The following TTC27 variants were observed in gnomAD, a reference collection of about 807,000 sequenced individuals.
The protein encoded by TTC27 is tetratricopeptide repeat protein 27.
Under a neutral mutation model 115.9 loss-of-function variants are expected in TTC27, and 79 were observed. The observed-to-expected ratio is 0.68, with a 90% CI of 0.57 to 0.82. The LOEUF (loss-of-function observed/expected upper bound fraction) is 0.82. Among genes scored for constraint, TTC27 ranks in the 40% least tolerant of loss-of-function variants. The pLI, the probability that TTC27 is intolerant of heterozygous loss-of-function variation, is 0.00. For missense variants in TTC27, 1,054 were observed against 993.1 expected (o/e 1.06, Z -0.82); for synonymous variants, 401 against 356.0 (o/e 1.13, Z -1.42).
intron 16 of TTC27, among the ~76,000 whole-genome samples, chr2:32,805,039 AG>A (rs1301046116): frequency 6.6e-6 from 1 of 152,102 alleles, no homozygotes; most frequent in African/African-American, 2.4e-5. Flanking sequence ...CTTAATAGAA[AG>A]GAAGAAAGAG....
rs397754905 is a variant in TTC27, at chr2:32,767,453, G to GTTTTT, written c.1680+8947_1680+8951dup. 8.7e-4 allele frequency among the ~76,000 whole-genome samples: 99 copies of GTTTTT among 114,238 alleles called. 5 individuals are homozygous for GTTTTT. The highest frequency in any genetic ancestry group is 7.5e-3 in the South Asian group (25 of 3,312). 74.9% of individuals were successfully genotyped at this position (114,238 alleles called of 152,430 possible). A position where few individuals can be genotyped will look rare whatever the true frequency, so the allele number is the denominator to read the frequency against. On this transcript the variant is annotated intron_variant, in intron 13 of 19. Transcript: ENST00000317907. ...AGTGAATATTTATAAGTTTTTTTTTGTTTTTTTTTTTTTTTTTGAGACAGA... is the reference window on the plus strand; with the variant it reads ...AGTGAATATTTATAAGTTTTTTTTTGTTTTTTTTTTTTTTTTTTTTTTGAGACAGA...
intron 4 of TTC27, among the ~76,000 whole-genome samples, chr2:32,644,412 TAGG>T (rs1344574903): frequency 2.6e-5 from 4 of 151,898 alleles, no homozygotes; most frequent in Non-Finnish European, 5.9e-5. Flanking sequence ...GTCAACAACT[TAGG>T]AGAATTAATA....
intron 15 of TTC27, among the ~76,000 whole-genome samples, chr2:32,785,028 A>G (rs1670301283): frequency 6.6e-6 from 1 of 152,240 alleles, no homozygotes; most frequent in Admixed American, 6.5e-5. Context: ...CTTAGAGTCA[A>G]TAGATGGTAA....
chr2:32,793,880 T>C (rs892486199), intron 16 of TTC27, among the ~76,000 whole-genome samples: 1 of 152,174 alleles, frequency 6.6e-6, no homozygotes, highest in Non-Finnish European at 1.5e-5. Context: ...AAGAGACTAA[T>C]ACATTAAAAA....
intron 13 of TTC27, among the ~76,000 whole-genome samples, chr2:32,771,912 A>G (rs1669842891): frequency 1.3e-5 from 2 of 152,128 alleles, no homozygotes; most frequent in Non-Finnish European, 2.9e-5. Flanking sequence ...TTAGGATTAG[A>G]TTATTCTACA....
intron 10 of TTC27, among the ~76,000 whole-genome samples, chr2:32,730,079 G>C (rs866442378): frequency 2.0e-5 from 3 of 152,098 alleles, no homozygotes; most frequent in Non-Finnish European, 4.4e-5. Flanking sequence ...ATAGTAGTGA[G>C]GCTTCACGTG....
chr2:32,639,518 A>C (rs572828436), intron 3 of TTC27, among the ~76,000 whole-genome samples: 2 of 152,334 alleles, frequency 1.3e-5, no homozygotes, highest in Admixed American at 6.5e-5. Context: ...GACTTACTTC[A>C]TAATGACATT....
chr2:32,815,306 G>A (rs1055753880), intron 18 of TTC27, among the ~76,000 whole-genome samples: 2 of 131,556 alleles, frequency 1.5e-5, no homozygotes, highest in Non-Finnish European at 3.1e-5. Context: ...GCGCGATCTC[G>A]GCTCACTGCA....
intron 13 of TTC27, among the ~76,000 whole-genome samples, chr2:32,769,755 C>G (rs1000964949): frequency 2.0e-5 from 3 of 152,154 alleles, no homozygotes; most frequent in Non-Finnish European, 4.4e-5. Context: ...CATTAAGCAT[C>G]TATATTCTAA....
In TTC27 at chr2:32,740,869, G is replaced by A. The variant is rs185801657; in HGVS notation, c.1452+4053G>A. Among the ~76,000 whole-genome samples, 417 of 152,208 alleles carry A rather than the reference G, an allele frequency of 2.7e-3. 1 individual carries two copies. In the Middle Eastern group the frequency reaches 0.041, roughly 15 times the overall value. Reference sequence around the variant, plus strand: ...GAGGGTTCACCATATTGGCCAGGCTGGTCTTGAATTCCTGACCTCAGGTGA... The same window carrying A: ...GAGGGTTCACCATATTGGCCAGGCTAGTCTTGAATTCCTGACCTCAGGTGA... On this transcript the variant is annotated intron_variant, in intron 12 of 19. Transcript: ENST00000317907.
At chr2:32,761,038 C>G (rs957669883) in intron 13 of TTC27, among the ~76,000 whole-genome samples, 1 of 152,108 alleles carries the variant, frequency 6.6e-6, no homozygotes, top group Non-Finnish European at 1.5e-5. Context: ...TATTTTCACT[C>G]CTGTTTTCTC....
chr2:32,807,471 A>C (rs1311972119), intron 16 of TTC27, among the ~76,000 whole-genome samples: 1 of 152,112 alleles, frequency 6.6e-6, no homozygotes. Flanking sequence ...ACTTCTTCTT[A>C]TCTTTTTATA....
rs1668701341 is a variant in TTC27 at position 32,743,131 on chromosome 2, A to G, written c.1452+6315A>G. On this transcript the variant is annotated intron_variant, in intron 12 of 19. Transcript: ENST00000317907. ...ATTTTTTACGTGGAGGGCTTCCTATAGTTGTTGGTCTGCCAATTTCCCTTC... is the reference window on the plus strand; with the variant it reads ...ATTTTTTACGTGGAGGGCTTCCTATGGTTGTTGGTCTGCCAATTTCCCTTC... Among the ~76,000 whole-genome samples, 3 of 151,982 alleles carry G rather than the reference A, an allele frequency of 2.0e-5. No homozygotes were observed. In the South Asian group the frequency reaches 6.2e-4, roughly 32 times the overall value.
rs1440544444 is a variant in TTC27 at position 32,664,436 on chromosome 2, G to A, written c.774G>A (p.Lys258=). 1.2e-6 allele frequency: 2 copies of A among 1,606,494 alleles called. No individual in the cohort carries two copies. The highest frequency in any genetic ancestry group is 1.1e-5 in the South Asian group (1 of 88,750). Residue 258 remains lysine (K), a synonymous_variant, in exon 6 of 20, where the codon AAG becomes AAA. Transcript: ENST00000317907. ...CAAAAGATCAGTTGGATATTGCTAAGGACATCAGCCAATTACAAATTGATT... is the reference window on the plus strand; with the variant it reads ...CAAAAGATCAGTTGGATATTGCTAAAGACATCAGCCAATTACAAATTGATT... ...RKAKDQLDIA[K]DISQLQIDLT...
At chr2:32,650,929 G>A (rs1414154071) in intron 5 of TTC27, among the ~76,000 whole-genome samples, 1 of 152,072 alleles carries the variant, frequency 6.6e-6, no homozygotes, top group African/African-American at 2.4e-5. Flanking sequence ...AAAGACTTTG[G>A]AAAAGAGGAG....
chr2:32,692,261 T>C (rs925567162), intron 9 of TTC27, among the ~76,000 whole-genome samples: 1 of 152,066 alleles, frequency 6.6e-6, no homozygotes, highest in Non-Finnish European at 1.5e-5. Flanking sequence ...CAAATACTTA[T>C]AACTTAGTGA....
chr2:32,674,889 C>G (rs1402520345), intron 8 of TTC27, among the ~76,000 whole-genome samples: 2 of 152,002 alleles, frequency 1.3e-5, no homozygotes, highest in African/African-American at 4.8e-5. Context: ...GTCTTGATCT[C>G]CTGACCTCGT....
At chr2:32,630,335 T>G (rs1426682935) in intron 1 of TTC27, among the ~76,000 whole-genome samples, 188 bp from the exon 2 acceptor site, 5 of 152,206 alleles carry the variant, frequency 3.3e-5, no homozygotes, top group African/African-American at 1.2e-4. Flanking sequence ...AGCTGCTAAT[T>G]CTAGGAGAGA....
chr2:32,697,725 A>G (rs936079135), intron 9 of TTC27, among the ~76,000 whole-genome samples: 21 of 152,096 alleles, frequency 1.4e-4, no homozygotes, highest in Non-Finnish European at 2.5e-4. Flanking sequence ...CTGGGACGGT[A>G]GAGGAATTCA....
Sources: gnomAD v4.1 joint callset for allele counts (sites outside exome capture counted in the v4.1 genomes callset) on GRCh38, gnomAD v4.1.1 for gene constraint, MANE v1.5 for transcripts, NCBI Gene and HGNC (gene_info 2026-07-23, HGNC 2026-07-21) for gene names.